The following BICD1 variants were observed in gnomAD, a reference collection of about 807,000 sequenced individuals.
BICD1 encodes BICD cargo adaptor 1.
A neutral mutation model predicts 92.5 loss-of-function variants in BICD1; 35 were observed. The observed-to-expected ratio is 0.38, with a 90% CI of 0.29 to 0.50. BICD1 has a LOEUF of 0.50. Ranked by LOEUF, BICD1 falls within the 20% of genes least tolerant of loss-of-function variation. The pLI is 0.93. For missense variants in BICD1, 950 were observed against 1,189.8 expected (o/e 0.80, Z 2.97); for synonymous variants, 429 against 465.1 (o/e 0.92, Z 1.00).
rs1938175856 is a variant in BICD1, at chr12:32,337,408, AATTTC to A, written c.2253-90_2253-86del. On this transcript the variant is annotated intron_variant, in intron 6 of 9. Coordinates refer to ENST00000652176, the MANE Select transcript of BICD1 (RefSeq NM_001714.4). The surrounding 1 kb of genome is among the most constrained non-coding windows in gnomAD (Gnocchi z 4.7). ...TTTAAACCAGTCTTCTAAATTTCTA[AATTTC>A]GGTCAAATTTATTACTTTTCAGCTT... 9.6e-6 allele frequency: 12 copies of A among 1,256,052 alleles called. No individual in the cohort carries two copies. The highest frequency in any genetic ancestry group is 1.3e-5 in the Non-Finnish European group (12 of 899,694). 77.8% of individuals were successfully genotyped at this position (1,256,052 alleles called of 1,614,324 possible). A position where few individuals can be genotyped will look rare whatever the true frequency, so the allele number is the denominator to read the frequency against.
In BICD1 at chr12:32,337,905, A is replaced by G; in HGVS notation, c.2570+89A>G. On this transcript the variant is annotated intron_variant, in intron 7 of 9. Coordinates refer to ENST00000652176, the MANE Select transcript of BICD1 (RefSeq NM_001714.4). This position sits in a 1 kb window ranked among gnomAD's most constrained non-coding sequence, Gnocchi z 4.7. ...AATGTGCTCTTGTTGTGGAGGATGG[A>G]GGAGGGGAAGCAAAAGAAAAAATGG... The G allele has an allele frequency of 6.8e-7, 1 of 1,463,078 alleles. No homozygotes were observed. The highest frequency in any genetic ancestry group is 9.4e-7 in the Non-Finnish European group (1 of 1,059,162). 90.6% of individuals were successfully genotyped at this position (1,463,078 alleles called of 1,614,324 possible).
chr12:32,195,666 C>T (rs934101548), intron 1 of BICD1, among the ~76,000 whole-genome samples: 12 of 152,114 alleles, frequency 7.9e-5, no homozygotes, highest in Non-Finnish European at 1.0e-4. Context: ...GATTTGAAAT[C>T]GTAAAAGTCT....
Position 32,328,529 on chromosome 12 carries a change from A to C in BICD1, c.2074A>C (p.Arg692=). 6.2e-7 allele frequency: 1 copy of C among 1,612,662 alleles called. No homozygotes were observed. The highest frequency in any genetic ancestry group is 1.1e-5 in the South Asian group (1 of 90,976). ...CAAACGGGAGCAGATCGCCACATTG[A>C]GGGCGGTGTTGAAAGCCAACAAGCA... ...STKREQIATL[R]AVLKANKQTA... is the part of the protein sequence containing the mutation. Residue 692 remains arginine, a synonymous_variant, in exon 5 of 10, where the codon AGG becomes CGG. Transcript: ENST00000652176. This position sits in a 1 kb window ranked among gnomAD's most constrained non-coding sequence, Gnocchi z 4.4.
chr12:32,291,861 A>G (rs1047481474), intron 2 of BICD1, among the ~76,000 whole-genome samples: 1 of 152,106 alleles, frequency 6.6e-6, no homozygotes, highest in Non-Finnish European at 1.5e-5. Flanking sequence ...TCTGTGGACT[A>G]TGAAGCAAGA....
At chr12:32,249,206 GA>G (rs559820596) in intron 2 of BICD1, among the ~76,000 whole-genome samples, 3 of 152,050 alleles carry the variant, frequency 2.0e-5, no homozygotes, top group South Asian at 2.1e-4. Flanking sequence ...TAGCTGGCAA[GA>G]AAAAAAAGAT....
At chr12:32,372,060 T>G (rs1216117841) in intron 9 of BICD1, among the ~76,000 whole-genome samples, 1 of 152,216 alleles carries the variant, frequency 6.6e-6, no homozygotes, top group Non-Finnish European at 1.5e-5. Flanking sequence ...AGTCAGAGTA[T>G]GTAAATCACC....
chr12:32,208,435 G>A (rs1945124395), intron 1 of BICD1, among the ~76,000 whole-genome samples: 2 of 152,216 alleles, frequency 1.3e-5, no homozygotes, highest in South Asian at 4.1e-4. Context: ...GTCACAGAAT[G>A]TTATGTAATT....
intron 1 of BICD1, among the ~76,000 whole-genome samples, chr12:32,156,319 C>T (rs1408881121): frequency 6.6e-6 from 1 of 152,150 alleles, no homozygotes; most frequent in Admixed American, 6.5e-5. Flanking sequence ...GTGTGAGGTG[C>T]CTGCACTTGC....
At chr12:32,215,332 G>C (rs1400334124) in intron 1 of BICD1, among the ~76,000 whole-genome samples, 2 of 152,106 alleles carry the variant, frequency 1.3e-5, no homozygotes, top group Non-Finnish European at 2.9e-5. Flanking sequence ...TACCCCGTAA[G>C]TGACCAGTTT....
At chr12:32,169,463 A>G (rs193232862) in intron 1 of BICD1, among the ~76,000 whole-genome samples, 51 of 151,936 alleles carry the variant, frequency 3.4e-4, no homozygotes, top group African/African-American at 1.2e-3. Context: ...TTCTTAGTAG[A>G]GACGAGCTCT....
intron 2 of BICD1, among the ~76,000 whole-genome samples, chr12:32,282,301 GC>G (rs1364686217): frequency 7.1e-6 from 1 of 140,752 alleles, no homozygotes; most frequent in East Asian, 2.1e-4. Flanking sequence ...GCCCACTATA[GC>G]CTCCACCTCC....
intron 1 of BICD1, among the ~76,000 whole-genome samples, chr12:32,199,134 CTTA>C (rs2121548915): frequency 6.6e-6 from 1 of 152,178 alleles, no homozygotes; most frequent in African/African-American, 2.4e-5. Context: ...GAGAATACAA[CTTA>C]TTAATAGCTT....
intron 1 of BICD1, among the ~76,000 whole-genome samples, chr12:32,117,828 G>A (rs201503307): frequency 2.7e-5 from 4 of 147,530 alleles, no homozygotes; most frequent in East Asian, 2.0e-4. Context: ...TCAGCTCACC[G>A]CAACCTCCAC....
intron 2 of BICD1, among the ~76,000 whole-genome samples, chr12:32,269,365 T>C (rs1248447058): frequency 6.6e-6 from 1 of 152,246 alleles, no homozygotes; most frequent in Non-Finnish European, 1.5e-5. Context: ...GTTTCTTTAA[T>C]GTGAATTACT....
At chr12:32,374,910 CTTTTTTT>C (rs1185628924) in intron 9 of BICD1, among the ~76,000 whole-genome samples, 44 of 49,632 alleles carry the variant, frequency 8.9e-4, no homozygotes, top group African/African-American at 3.1e-3. Flanking sequence ...ATTTATTTTC[CTTTTTTT>C]TTTTTTTTTT....
intron 1 of BICD1, among the ~76,000 whole-genome samples, chr12:32,149,492 G>C (rs1240534462): frequency 1.3e-5 from 2 of 152,174 alleles, no homozygotes; most frequent in African/African-American, 4.8e-5. Context: ...TGCAAAATTT[G>C]TATGCTATGT....
intron 1 of BICD1, among the ~76,000 whole-genome samples, chr12:32,155,659 G>C (rs1290007848): frequency 6.6e-6 from 1 of 152,008 alleles, no homozygotes; most frequent in African/African-American, 2.4e-5. Context: ...ACACTTGTTT[G>C]TGCCTCAAAT....
At chr12:32,356,819 A>G (rs1053601272) in intron 8 of BICD1, among the ~76,000 whole-genome samples, 2 of 152,134 alleles carry the variant, frequency 1.3e-5, no homozygotes, top group African/African-American at 4.8e-5. Flanking sequence ...GGAAACTTCT[A>G]TAACTGTGCA....
intron 1 of BICD1, among the ~76,000 whole-genome samples, chr12:32,157,205 A>ATTATT (rs147119783): frequency 0.04 from 6,060 of 152,228 alleles, 393 homozygotes; most frequent in African/African-American, 0.14. Flanking sequence ...GTCTATTATA[A>ATTATT]TTAAGTCCAG....
Sources: allele counts gnomAD v4.1 joint callset (sites outside exome capture counted in the v4.1 genomes callset), GRCh38; gene constraint gnomAD v4.1.1; non-coding constraint Gnocchi (gnomAD v3.1); transcripts MANE v1.5; gene names NCBI Gene and HGNC (gene_info 2026-07-23, HGNC 2026-07-21).